The following SPON1 variants were observed in gnomAD, a reference collection of about 807,000 sequenced individuals.
SPON1 encodes spondin 1.
Under a neutral mutation model 111.7 loss-of-function variants are expected in SPON1, and 52 were observed. That is an observed-to-expected ratio of 0.47 (90% CI 0.37 to 0.59). SPON1 has a LOEUF of 0.59. Among genes scored for constraint, SPON1 ranks in the 20% least tolerant of loss-of-function variants. The pLI, the probability that SPON1 is intolerant of heterozygous loss-of-function variation, is 0.00. For synonymous variants in SPON1, 410 were observed against 395.8 expected (o/e 1.04, Z -0.43); for missense variants, 957 against 1,068.5 (o/e 0.90, Z 1.46).
intron 6 of SPON1, among the ~76,000 whole-genome samples, chr11:14,180,218 C>A (rs1554933559): frequency 6.6e-6 from 1 of 152,196 alleles, no homozygotes; most frequent in Admixed American, 6.5e-5. Flanking sequence ...AGTCACCCTG[C>A]ATCCCTTAGT....
At chr11:14,216,428 G>A (rs1848627057) in intron 6 of SPON1, among the ~76,000 whole-genome samples, 1 of 152,200 alleles carries the variant, frequency 6.6e-6, no homozygotes, top group Admixed American at 6.5e-5. Flanking sequence ...TCTCTCACTG[G>A]ATGGTAATGG....
chr11:14,235,678 C>CAAA lies in SPON1; in HGVS notation c.826-7627_826-7625dup, dbSNP rs56925967. ...TAGGCAACAGAGAAAGACCCTGCCTCAAAAAAAAAAAAAAAAAAAAAAAAA... is the reference window on the plus strand; with the variant it reads ...TAGGCAACAGAGAAAGACCCTGCCTCAAAAAAAAAAAAAAAAAAAAAAAAAAAA... On this transcript the variant is annotated intron_variant, in intron 6 of 15. Coordinates refer to ENST00000576479, the MANE Select transcript of SPON1 (RefSeq NM_006108.4). 2.0e-4 allele frequency among the ~76,000 whole-genome samples: 14 copies of CAAA among 71,388 alleles called. 1 individual carries two copies. Among genetic ancestry groups the CAAA allele is most frequent in the African/African-American group, 5.6e-4 (10 of 17,966 alleles). 46.8% of individuals were successfully genotyped at this position (71,388 alleles called of 152,430 possible).
chr11:14,151,088 T>C (rs142481142), intron 6 of SPON1, among the ~76,000 whole-genome samples: 1 of 152,314 alleles, frequency 6.6e-6, no homozygotes, highest in East Asian at 1.9e-4. Context: ...TTGCATCTGG[T>C]CTGCAGATCT....
intron 6 of SPON1, among the ~76,000 whole-genome samples, chr11:14,194,826 TTTA>T (rs1554934910): frequency 6.6e-6 from 1 of 152,198 alleles, no homozygotes; most frequent in Non-Finnish European, 1.5e-5. Flanking sequence ...TAAAATTTAT[TTTA>T]TTAATATGTT....
chr11:14,000,479 A>T (rs988855049), intron 2 of SPON1, among the ~76,000 whole-genome samples: 10 of 152,182 alleles, frequency 6.6e-5, no homozygotes, highest in Admixed American at 5.2e-4. Flanking sequence ...TTTGTTCAGC[A>T]CTGCATCTGT....
intron 2 of SPON1, among the ~76,000 whole-genome samples, chr11:14,016,871 A>G (rs1848447845): frequency 6.6e-6 from 1 of 152,190 alleles, no homozygotes; most frequent in Admixed American, 6.5e-5. Context: ...AGTGCTGGGC[A>G]CTGCATGTGG....
Position 14,265,752 on chromosome 11 carries a change from C to G in SPON1, c.*65C>G. The stretch of plus-strand genomic sequence containing the variant: ...GAGTCACCAATGGCTGGATTATTTG[C>G]TTGTTTAAGACAATTTAAATTGTGT... On this transcript the variant is annotated 3_prime_UTR_variant, in exon 16 of 16. Coordinates refer to ENST00000576479, the MANE Select transcript of SPON1 (RefSeq NM_006108.4). 1 of 1,543,188 alleles carries G rather than the reference C, an allele frequency of 6.5e-7. No individual in the cohort carries two copies. Among genetic ancestry groups the G allele is most frequent in the African/African-American group, 1.4e-5 (1 of 73,196 alleles).
At chr11:14,150,861 A>G (rs1335491862) in intron 6 of SPON1, among the ~76,000 whole-genome samples, 1 of 152,212 alleles carries the variant, frequency 6.6e-6, no homozygotes, top group East Asian at 1.9e-4. Context: ...CAGGAGCAAC[A>G]CTGAACTCAC....
intron 5 of SPON1, among the ~76,000 whole-genome samples, chr11:14,081,383 C>A (rs782625305): frequency 3.3e-5 from 5 of 152,156 alleles, no homozygotes; most frequent in Non-Finnish European, 5.9e-5. Flanking sequence ...GAAAAGTGGA[C>A]TTACTGTGAA....
chr11:14,050,863 T>C (rs10832172), intron 3 of SPON1, among the ~76,000 whole-genome samples: 60,160 of 152,044 alleles, frequency 0.4, 13,057 homozygotes, highest in South Asian at 0.57. Flanking sequence ...GCATTAACTC[T>C]CCTCCACTTC....
intron 3 of SPON1, among the ~76,000 whole-genome samples, chr11:14,058,244 T>C (rs1429824879): frequency 6.6e-6 from 1 of 152,038 alleles, no homozygotes; most frequent in Non-Finnish European, 1.5e-5. Context: ...CAGTGATCCT[T>C]CCTGTAGTGT....
rs991759748 is a variant in SPON1 at position 14,267,094 on chromosome 11, C to G, written c.*1407C>G. 15 of 152,218 alleles carry G rather than the reference C, an allele frequency of 9.9e-5. No homozygotes were observed. The highest frequency in any genetic ancestry group is 2.2e-4 in the Non-Finnish European group (15 of 68,048). 9.4% of individuals were successfully genotyped at this position (152,218 alleles called of 1,614,324 possible). On this transcript the variant is annotated 3_prime_UTR_variant, in exon 16 of 16. Coordinates refer to ENST00000576479, the MANE Select transcript of SPON1 (RefSeq NM_006108.4). Reference sequence around the variant, plus strand: ...CCATTGGTGAGACACATACAATGCTCTGAATACACTACGAATTTGTATTAA... The same window carrying G: ...CCATTGGTGAGACACATACAATGCTGTGAATACACTACGAATTTGTATTAA...
At chr11:14,067,494 T>C (rs189856997) in intron 3 of SPON1, among the ~76,000 whole-genome samples, 3 of 152,336 alleles carry the variant, frequency 2.0e-5, no homozygotes, top group Admixed American at 2.0e-4. Flanking sequence ...TCTTGGCCTT[T>C]CTTCATGGTA....
chr11:14,076,635 C>T (rs1554921474), intron 4 of SPON1, among the ~76,000 whole-genome samples: 5 of 152,212 alleles, frequency 3.3e-5, no homozygotes, highest in Non-Finnish European at 7.4e-5. Context: ...ATGCCCTTAA[C>T]CATTGCTTTC....
At chr11:14,121,817 T>C (rs1489192659) in intron 5 of SPON1, among the ~76,000 whole-genome samples, 1 of 152,156 alleles carries the variant, frequency 6.6e-6, no homozygotes, top group Non-Finnish European at 1.5e-5. Flanking sequence ...CTTTCATTTA[T>C]TTAAAAAAAC....
At chr11:14,070,451 A>C (rs782796020) in intron 3 of SPON1, among the ~76,000 whole-genome samples, 33 of 152,166 alleles carry the variant, frequency 2.2e-4, no homozygotes, top group Non-Finnish European at 3.8e-4. Flanking sequence ...ATCAATCATA[A>C]AAACAACTAC....
intron 5 of SPON1, among the ~76,000 whole-genome samples, chr11:14,103,665 C>T (rs1554924622): frequency 6.6e-6 from 1 of 152,180 alleles, no homozygotes; most frequent in Non-Finnish European, 1.5e-5. Flanking sequence ...TCTGAAGTTT[C>T]CCTGGGTTGA....
chr11:14,060,967 G>A (rs1554919801), intron 3 of SPON1, among the ~76,000 whole-genome samples: 1 of 151,644 alleles, frequency 6.6e-6, no homozygotes, highest in East Asian at 1.9e-4. Flanking sequence ...GCATAAATAT[G>A]AGAAGTTATA....
intron 3 of SPON1, among the ~76,000 whole-genome samples, chr11:14,060,166 A>G (rs1226706948): frequency 6.6e-6 from 1 of 152,228 alleles, no homozygotes; most frequent in African/African-American, 2.4e-5. Context: ...CAGAGAGGTA[A>G]TGTGATTTGA....
Sources: gnomAD v4.1 joint callset for allele counts (sites outside exome capture counted in the v4.1 genomes callset) on GRCh38, gnomAD v4.1.1 for gene constraint, MANE v1.5 for transcripts, NCBI Gene and HGNC (gene_info 2026-07-23, HGNC 2026-07-21) for gene names.